Variants in NCAM1 observed in about 807,000 individuals in gnomAD.
NCAM1 encodes antigen recognized by monoclonal antibody 5.1H11.
In NCAM1, 14 loss-of-function variants were observed where a neutral mutation model predicts 109.8. The ratio of observed to expected loss-of-function variants is 0.13; its 90% CI spans 0.08 to 0.20. The LOEUF (loss-of-function observed/expected upper bound fraction) is 0.20, where lower values mean the gene tolerates loss of function less well. Among genes scored for constraint, NCAM1 ranks in the 10% least tolerant of loss-of-function variants. NCAM1 has a pLI of 1.00. For missense variants in NCAM1, 774 were observed against 1,109.9 expected, an observed-to-expected ratio of 0.70 and a Z score of 4.30; for synonymous variants, 418 against 442.9, an observed-to-expected ratio of 0.94 and a Z score of 0.70.
chr11:113,271,974 C>T lies in NCAM1; in HGVS notation c.2456+98C>T, dbSNP rs549767604. The T allele has an allele frequency of 8.1e-5, 70 of 861,932 alleles. No homozygotes were observed. In the Admixed American group the frequency reaches 1.6e-3, roughly 20 times the overall value. The allele number at this position is 861,932 out of a possible 1,614,324, so 53.4% of individuals were successfully genotyped here. On this transcript the variant is annotated intron_variant, in intron 19 of 19. Transcript: ENST00000316851. Reference sequence around the variant, plus strand: ...CTCCCGTGCCCCTACCCACAGCTCCCGGCCAAACAGTTCAGGCCAGGATTC... The same window carrying T: ...CTCCCGTGCCCCTACCCACAGCTCCTGGCCAAACAGTTCAGGCCAGGATTC...
intron 1 of NCAM1, among the ~76,000 whole-genome samples, chr11:113,026,414 AGAGAG>A (rs1591260659): frequency 6.6e-6 from 1 of 152,142 alleles, no homozygotes; most frequent in East Asian, 1.9e-4. Flanking sequence ...TGTCATACAC[AGAGAG>A]GTGCTGACTT....
intron 1 of NCAM1, among the ~76,000 whole-genome samples, chr11:113,155,259 T>C (rs1045859762): frequency 6.6e-6 from 1 of 152,166 alleles, no homozygotes; most frequent in Admixed American, 6.5e-5. Context: ...GGCTCACACC[T>C]GTAATCCCAG....
At chr11:112,983,462 G>A (rs371309222) in intron 1 of NCAM1, among the ~76,000 whole-genome samples, 2 of 151,702 alleles carry the variant, frequency 1.3e-5, no homozygotes, top group South Asian at 2.1e-4. Flanking sequence ...CTTCTCCCAG[G>A]AAGATGGGGG....
chr11:113,053,060 C>T (rs573243032), intron 1 of NCAM1, among the ~76,000 whole-genome samples: 2 of 152,296 alleles, frequency 1.3e-5, no homozygotes, highest in South Asian at 2.1e-4. Flanking sequence ...ATTGCAGAGG[C>T]TCTAACAGAA....
chr11:113,263,715 A>G lies in NCAM1; in HGVS notation c.2131+3392A>G, dbSNP rs1228653824. On this transcript the variant is annotated intron_variant, in intron 17 of 19. Coordinates refer to ENST00000316851, the MANE Select transcript of NCAM1 (RefSeq NM_181351.5). The stretch of plus-strand genomic sequence containing the variant: ...GCCTGGCAGCATGTCGCAGATCAGC[A>G]CAGAGTGGGGCCGTGGTTCAGCAGT... 1.1e-5 allele frequency: 11 copies of G among 985,466 alleles called. No individual in the cohort carries two copies. In the South Asian group the frequency reaches 4.7e-4, roughly 42 times the overall value. 61.0% of individuals were successfully genotyped at this position (985,466 alleles called of 1,614,324 possible).
intron 9 of NCAM1, among the ~76,000 whole-genome samples, chr11:113,229,944 G>A (rs1312650177): frequency 5.9e-5 from 9 of 152,034 alleles, no homozygotes; most frequent in African/African-American, 2.2e-4. Context: ...GGGGTGGGGG[G>A]AGCGGGGAGG....
chr11:113,240,971 A>G (rs1945308279), intron 14 of NCAM1: 3 of 865,530 alleles, frequency 3.5e-6, no homozygotes, highest in Non-Finnish European at 5.7e-6. Context: ...TTAGAGGAGC[A>G]GTTGAGAAGA....
At chr11:113,219,111 G>A (rs1389356555) in intron 8 of NCAM1, among the ~76,000 whole-genome samples, 4 of 152,204 alleles carry the variant, frequency 2.6e-5, no homozygotes, top group Non-Finnish European at 5.9e-5. Flanking sequence ...GGCCTATGAA[G>A]CCTTATTAAG....
At chr11:113,092,560 A>G (rs1384952919) in intron 1 of NCAM1, among the ~76,000 whole-genome samples, 2 of 152,146 alleles carry the variant, frequency 1.3e-5, no homozygotes, top group African/African-American at 4.8e-5. Context: ...ATCCCAGCAG[A>G]ACTGAGCCAG....
chr11:113,212,724 T>TTTTTG (rs1491281417), intron 7 of NCAM1, among the ~76,000 whole-genome samples: 1 of 152,236 alleles, frequency 6.6e-6, no homozygotes, highest in Admixed American at 6.5e-5. Context: ...TTTATTAACC[T>TTTTTG]TTTTGTTTTT....
At chr11:113,183,349 C>T (rs1174540701) in intron 1 of NCAM1, among the ~76,000 whole-genome samples, 2 of 152,196 alleles carry the variant, frequency 1.3e-5, no homozygotes, top group African/African-American at 4.8e-5. Flanking sequence ...CTGTCCCGCT[C>T]CTCCAGATTG....
At chr11:113,239,499 C>CTACTTTTTTTT (rs1945264362) in intron 14 of NCAM1, among the ~76,000 whole-genome samples, 2 of 110,222 alleles carry the variant, frequency 1.8e-5, no homozygotes, top group African/African-American at 7.1e-5. Context: ...TGAGTCTCTA[C>CTACTTTTTTTT]TTTTTTTTTT....
chr11:112,967,922 A>G (rs572454633), intron 1 of NCAM1, among the ~76,000 whole-genome samples: 1 of 152,308 alleles, frequency 6.6e-6, no homozygotes, highest in South Asian at 2.1e-4. Flanking sequence ...AGGAAAATAC[A>G]AAACTCTTCT....
chr11:113,248,760 A>G (rs1565528625), intron 15 of NCAM1, among the ~76,000 whole-genome samples: 2 of 152,186 alleles, frequency 1.3e-5, no homozygotes, highest in Non-Finnish European at 2.9e-5. Flanking sequence ...GGCGACTCAG[A>G]AGGAGAAGGG....
intron 9 of NCAM1, chr11:113,221,676 C>A: frequency 4.5e-6 from 1 of 223,498 alleles, no homozygotes; most frequent in Non-Finnish European, 9.0e-6. Flanking sequence ...GTTGATGTGG[C>A]TCTGGACCAT....
At position 112,961,561 on chromosome 11, in the gene NCAM1, G is replaced by GA; in HGVS notation, c.-52_-51insA. ...GCCGTCCACACTCGCTGCAGGGGGG[G>GA]GGGCACAGAATTTACCGCGGCAAGA... On this transcript the variant is annotated 5_prime_UTR_variant, in exon 1 of 20. Transcript: ENST00000316851. 2.6e-6 allele frequency: 3 copies of GA among 1,158,328 alleles called. No homozygotes were observed. Among genetic ancestry groups the GA allele is most frequent in the Admixed American group, 1.7e-5 (1 of 59,260 alleles). The allele number at this position is 1,158,328 out of a possible 1,614,324, so 71.8% of individuals were successfully genotyped here. A position where few individuals can be genotyped will look rare whatever the true frequency, so the allele number is the denominator to read the frequency against.
intron 1 of NCAM1, among the ~76,000 whole-genome samples, chr11:113,039,160 A>G (rs781884827): frequency 2.0e-5 from 3 of 152,236 alleles, no homozygotes; most frequent in Non-Finnish European, 4.4e-5. Flanking sequence ...TGAATCTGCA[A>G]TAATAATTAA....
rs1213652202 is a variant in NCAM1, at chr11:113,242,479, A to G, written c.1826-3889A>G. Among the ~76,000 whole-genome samples, 5 of 152,070 alleles carry G rather than the reference A, an allele frequency of 3.3e-5. No homozygotes were observed. In the East Asian group the frequency reaches 9.7e-4, roughly 29 times the overall value. ...ACAAAAATTAGCCAGGCGTGGTGGC[A>G]TGTGCCTGTAATCCCAGTTACTTGG... is the stretch of plus-strand genomic sequence containing the variant. On this transcript the variant is annotated intron_variant, in intron 14 of 19. Transcript: ENST00000316851.
At chr11:113,136,250 C>A (rs1231583966) in intron 1 of NCAM1, among the ~76,000 whole-genome samples, 1 of 152,178 alleles carries the variant, frequency 6.6e-6, no homozygotes, top group African/African-American at 2.4e-5. Flanking sequence ...TCCATCACTG[C>A]AAAACATGCA....
Sources: gnomAD v4.1 joint callset for allele counts (sites outside exome capture counted in the v4.1 genomes callset) on GRCh38, gnomAD v4.1.1 for gene constraint, MANE v1.5 for transcripts, NCBI Gene and HGNC (gene_info 2026-07-23, HGNC 2026-07-21) for gene names.